NCKAP5: variants seen among roughly 807,000 people sequenced by gnomAD.
The protein encoded by NCKAP5 is NCK associated protein 5, also known as nck-associated protein 5.
NCKAP5 carries 92 observed loss-of-function variants against 167.0 expected under a neutral mutation model. The observed-to-expected ratio is 0.55, with a 90% CI of 0.47 to 0.66. NCKAP5 has a LOEUF of 0.66. NCKAP5 is among the 30% of genes least tolerant of loss of function. The pLI, the probability that NCKAP5 is intolerant of heterozygous loss-of-function variation, is 0.00. For missense variants in NCKAP5, 2,378 were observed against 2,315.0 expected (o/e 1.03, Z -0.56); for synonymous variants, 891 against 877.4 (o/e 1.02, Z -0.27).
chr2:133,270,014 G>A (rs947563007), intron 4 of NCKAP5, among the ~76,000 whole-genome samples: 3 of 152,190 alleles, frequency 2.0e-5, no homozygotes, highest in Non-Finnish European at 4.4e-5. Context: ...AAGACTATGG[G>A]TGGAGCAAAT....
chr2:133,648,894 A>T, the NCKAP5 span, among the ~76,000 whole-genome samples: 1 of 151,902 alleles, frequency 6.6e-6, no homozygotes, highest in Non-Finnish European at 1.5e-5. Flanking sequence ...GAAGTAACAA[A>T]GATGAGAGCA....
the NCKAP5 span, among the ~76,000 whole-genome samples, chr2:133,645,221 T>G: frequency 6.6e-6 from 1 of 152,322 alleles, no homozygotes; most frequent in South Asian, 2.1e-4. Flanking sequence ...TACAAAATGC[T>G]AAATGTCAGA....
At chr2:133,574,424 G>A in the NCKAP5 span, among the ~76,000 whole-genome samples, 1 of 152,142 alleles carries the variant, frequency 6.6e-6, no homozygotes, top group East Asian at 1.9e-4. Context: ...GGCTCTGGTG[G>A]CCCTGCTGCA....
At chr2:132,767,695 T>A (rs182124632) in intron 16 of NCKAP5, among the ~76,000 whole-genome samples, 1 of 152,326 alleles carries the variant, frequency 6.6e-6, no homozygotes, top group Non-Finnish European at 1.5e-5. Context: ...GGATAAGGAA[T>A]AAAGAAATGA....
intron 6 of NCKAP5, chr2:133,123,628 C>A: frequency 3.0e-6 from 1 of 330,366 alleles, no homozygotes; most frequent in Non-Finnish European, 6.4e-6. Context: ...AAATTGCCCT[C>A]TGTATTCATC....
chr2:133,370,488 A>G (rs968655459), intron 3 of NCKAP5, among the ~76,000 whole-genome samples: 1 of 152,174 alleles, frequency 6.6e-6, no homozygotes, highest in Non-Finnish European at 1.5e-5. Context: ...GGGTAAGTAG[A>G]GGTTATGTGG....
At chr2:133,162,267 T>G (rs1433038533) in intron 5 of NCKAP5, among the ~76,000 whole-genome samples, 1 of 152,248 alleles carries the variant, frequency 6.6e-6, no homozygotes, top group African/African-American at 2.4e-5. Context: ...AAAGACTTTT[T>G]TTAAAAGAAG....
intron 5 of NCKAP5, among the ~76,000 whole-genome samples, chr2:133,140,339 A>T (rs1208926009): frequency 6.6e-6 from 1 of 152,152 alleles, no homozygotes; most frequent in Non-Finnish European, 1.5e-5. Context: ...GCACTTTCAG[A>T]ATGGCTACAG....
At chr2:133,471,945 A>T (rs952550637) in intron 3 of NCKAP5, among the ~76,000 whole-genome samples, 9 of 152,112 alleles carry the variant, frequency 5.9e-5, no homozygotes, top group Non-Finnish European at 1.0e-4. Flanking sequence ...ACTTTTATTT[A>T]TTTTTCTTTT....
At chr2:133,112,585 T>C (rs761029708) in intron 6 of NCKAP5, among the ~76,000 whole-genome samples, 5 of 152,160 alleles carry the variant, frequency 3.3e-5, no homozygotes, top group Non-Finnish European at 5.9e-5. Context: ...CAAAAACCAC[T>C]ATAAATATCT....
intron 6 of NCKAP5, among the ~76,000 whole-genome samples, chr2:133,080,289 A>C (rs2080757689): frequency 6.6e-6 from 1 of 152,150 alleles, no homozygotes; most frequent in African/African-American, 2.4e-5. Context: ...ATGTTTGGGA[A>C]GATGTCAGGG....
the NCKAP5 span, among the ~76,000 whole-genome samples, chr2:133,602,080 A>T: frequency 6.6e-6 from 1 of 152,230 alleles, no homozygotes; most frequent in Non-Finnish European, 1.5e-5. Context: ...GAGACCAGTG[A>T]AGAAGCTGTT....
chr2:132,815,034 A>G (rs1686156867), intron 11 of NCKAP5, among the ~76,000 whole-genome samples: 1 of 152,220 alleles, frequency 6.6e-6, no homozygotes, highest in South Asian at 2.1e-4. Flanking sequence ...TTCAATGCAT[A>G]AATATAAATA....
intron 16 of NCKAP5, among the ~76,000 whole-genome samples, chr2:132,772,433 A>G (rs1365501772): frequency 6.6e-6 from 1 of 152,204 alleles, no homozygotes; most frequent in Non-Finnish European, 1.5e-5. Flanking sequence ...CTACCTACTA[A>G]AAAATATTTG....
intron 5 of NCKAP5, among the ~76,000 whole-genome samples, chr2:133,203,957 G>T (rs908059248): frequency 1.3e-5 from 2 of 152,146 alleles, no homozygotes; most frequent in African/African-American, 4.8e-5. Flanking sequence ...AAAAAAGAGG[G>T]TGTTTAATTT....
At chr2:132,905,642 T>C (rs905596529) in intron 8 of NCKAP5, among the ~76,000 whole-genome samples, 10 of 152,244 alleles carry the variant, frequency 6.6e-5, no homozygotes, top group African/African-American at 9.6e-5. Flanking sequence ...ACGAGTGTTA[T>C]AGTTTTCTTT....
At chr2:133,274,227 A>G (rs1361669802) in intron 4 of NCKAP5, among the ~76,000 whole-genome samples, 1 of 152,006 alleles carries the variant, frequency 6.6e-6, no homozygotes, top group East Asian at 1.9e-4. Flanking sequence ...CAAAATGGAT[A>G]GTGTTCTTAA....
chr2:133,563,746 G>A lies in NCKAP5; in HGVS notation c.-130+4470C>T, dbSNP rs1400676747. ...TACTGCTCTGCCAGTGCAGTCAATC[G>A]GGGCAGATGTGAATGACCAAAACGT... On this transcript the variant is annotated intron_variant, in intron 1 of 19. Coordinates refer to ENST00000409261, the MANE Select transcript of NCKAP5 (RefSeq NM_207363.3). 3.3e-5 allele frequency among the ~76,000 whole-genome samples: 5 copies of A among 152,234 alleles called. No homozygotes were observed. In the South Asian group the frequency reaches 8.3e-4, roughly 25 times the overall value.
chr2:133,064,114 A>G (rs1316664786), intron 6 of NCKAP5, among the ~76,000 whole-genome samples: 6 of 152,224 alleles, frequency 3.9e-5, no homozygotes, highest in Non-Finnish European at 8.8e-5. Flanking sequence ...AAAGGAGAAA[A>G]TTCTGACATG....
Sources: allele counts gnomAD v4.1 joint callset (sites outside exome capture counted in the v4.1 genomes callset), GRCh38; gene constraint gnomAD v4.1.1; transcripts MANE v1.5; gene names NCBI Gene and HGNC (gene_info 2026-07-23, HGNC 2026-07-21).